CDK8: variants seen among roughly 807,000 people sequenced by gnomAD.
CDK8 encodes the protein cyclin dependent kinase 8, also known as cyclin-dependent kinase 8.
Under a neutral mutation model 71.5 loss-of-function variants are expected in CDK8, and 29 were observed. That is an observed-to-expected ratio of 0.41 (90% confidence interval 0.30 to 0.55). CDK8 has a LOEUF of 0.55. Ranked by LOEUF, CDK8 falls within the 20% of genes least tolerant of loss-of-function variation. The probability of loss-of-function intolerance (pLI) is 0.37; values close to 1 mark genes in which losing one functional copy is unlikely to be tolerated. For missense variants in CDK8, 288 were observed against 572.6 expected (o/e 0.50, Z 5.07); for synonymous variants, 161 against 192.1 (o/e 0.84, Z 1.34).
intron 1 of CDK8, among the ~76,000 whole-genome samples, chr13:26,300,038 C>T (rs547042404): frequency 6.6e-6 from 1 of 152,136 alleles, no homozygotes; most frequent in African/African-American, 2.4e-5. Context: ...AAAATGGGGA[C>T]CTACTACCTT....
intron 4 of CDK8, among the ~76,000 whole-genome samples, chr13:26,359,320 C>T (rs952873911): frequency 6.6e-6 from 1 of 152,024 alleles, no homozygotes; most frequent in South Asian, 2.1e-4. Context: ...GCATTTAATA[C>T]TGAACTGTAC....
chr13:26,339,125 T>C (rs1873115126), intron 2 of CDK8, among the ~76,000 whole-genome samples: 1 of 152,148 alleles, frequency 6.6e-6, no homozygotes, highest in Admixed American at 6.5e-5. Context: ...CAGAAATGTT[T>C]AATTTTTATG....
chr13:26,318,895 C>T (rs868798704), intron 1 of CDK8, among the ~76,000 whole-genome samples: 3 of 152,214 alleles, frequency 2.0e-5, no homozygotes, highest in Middle Eastern at 3.4e-3. Flanking sequence ...TCCTCTAGTA[C>T]CAGGAACAAG....
intron 4 of CDK8, among the ~76,000 whole-genome samples, chr13:26,358,131 T>TA (rs1049539388): frequency 1.9e-4 from 29 of 150,816 alleles, no homozygotes; most frequent in Admixed American, 7.9e-4. Flanking sequence ...CTATCTCTAC[T>TA]AAAAAAAATA....
At chr13:26,329,490 T>TTTG (rs1565974714) in intron 1 of CDK8, among the ~76,000 whole-genome samples, 3 of 150,692 alleles carry the variant, frequency 2.0e-5, no homozygotes, top group South Asian at 2.1e-4. Context: ...TTTGTTTTTT[T>TTTG]TTTGTTTGTT....
chr13:26,313,505 C>G (rs767400368), intron 1 of CDK8, among the ~76,000 whole-genome samples: 21 of 152,116 alleles, frequency 1.4e-4, no homozygotes, highest in Non-Finnish European at 1.3e-4. Flanking sequence ...CTTTGAGGTG[C>G]AGGTGGGACA....
At chr13:26,280,208 A>G (rs560244054) in intron 1 of CDK8, among the ~76,000 whole-genome samples, 114 of 152,352 alleles carry the variant, frequency 7.5e-4, no homozygotes, top group East Asian at 1.9e-4. Flanking sequence ...CTTAGGGGCT[A>G]TTTTATAAAT....
At chr13:26,276,464 A>T (rs1872566462) in intron 1 of CDK8, among the ~76,000 whole-genome samples, 2 of 152,212 alleles carry the variant, frequency 1.3e-5, no homozygotes, top group Non-Finnish European at 2.9e-5. Context: ...TGTCAAATGA[A>T]TTCATCCCAC....
intron 4 of CDK8, among the ~76,000 whole-genome samples, chr13:26,363,519 C>CT (rs1051018187): frequency 1.3e-5 from 2 of 150,804 alleles, no homozygotes; most frequent in Non-Finnish European, 3.0e-5. Flanking sequence ...AAAAAATAAG[C>CT]TTTTTTTTGT....
chr13:26,266,591 G>A (rs920477173), intron 1 of CDK8, among the ~76,000 whole-genome samples: 3 of 152,088 alleles, frequency 2.0e-5, no homozygotes, highest in Non-Finnish European at 4.4e-5. Context: ...AGAGGGCAAG[G>A]GAGATAAAGA....
chr13:26,359,776 C>T, intron 4 of CDK8: 1 of 405,148 alleles, frequency 2.5e-6, no homozygotes, highest in East Asian at 8.8e-5. Flanking sequence ...AGTGCAATGG[C>T]ATGATCACAG....
At chr13:26,300,624 T>C (rs1873780503) in intron 1 of CDK8, among the ~76,000 whole-genome samples, 2 of 152,204 alleles carry the variant, frequency 1.3e-5, no homozygotes, top group Non-Finnish European at 2.9e-5. Flanking sequence ...TGGAACTTAC[T>C]TATTTTTCAG....
chr13:26,322,771 T>G (rs1416683427), intron 1 of CDK8, among the ~76,000 whole-genome samples: 1 of 152,196 alleles, frequency 6.6e-6, no homozygotes, highest in Non-Finnish European at 1.5e-5. Context: ...CCTTCCAATG[T>G]GTACTGCTTG....
intron 1 of CDK8, among the ~76,000 whole-genome samples, chr13:26,291,291 A>T (rs1052737539): frequency 1.3e-5 from 2 of 152,142 alleles, no homozygotes; most frequent in African/African-American, 4.8e-5. Context: ...ACACTCTGTG[A>T]TGTTTGCACA....
At chr13:26,289,676 G>A (rs754717185) in intron 1 of CDK8, among the ~76,000 whole-genome samples, 31 of 151,612 alleles carry the variant, frequency 2.0e-4, no homozygotes, top group Non-Finnish European at 3.5e-4. Flanking sequence ...TCAGCCTCCC[G>A]AGTAGCTGGG....
chr13:26,390,142 C>A (rs148784181), intron 6 of CDK8, among the ~76,000 whole-genome samples: 1 of 152,214 alleles, frequency 6.6e-6, no homozygotes, highest in Non-Finnish European at 1.5e-5. Flanking sequence ...ATTTCTCACA[C>A]CACCATTAAA....
intron 1 of CDK8, among the ~76,000 whole-genome samples, chr13:26,274,096 A>G (rs1872457864): frequency 6.6e-6 from 1 of 152,164 alleles, no homozygotes; most frequent in Admixed American, 6.5e-5. Context: ...ATCTTTGTAG[A>G]CACTCATGAT....
chr13:26,295,154 G>T (rs1565961310), intron 1 of CDK8, among the ~76,000 whole-genome samples: 1 of 152,172 alleles, frequency 6.6e-6, no homozygotes, highest in Non-Finnish European at 1.5e-5. Context: ...TCTAGGAAAT[G>T]TATTAATACT....
chr13:26,368,420 TA>T (rs1223086663), intron 4 of CDK8, among the ~76,000 whole-genome samples: 1 of 152,206 alleles, frequency 6.6e-6, no homozygotes, highest in Non-Finnish European at 1.5e-5. Flanking sequence ...AAATCTTTCC[TA>T]AACACATTGT....
Sources: gnomAD v4.1 joint callset for allele counts (sites outside exome capture counted in the v4.1 genomes callset) on GRCh38, gnomAD v4.1.1 for gene constraint, MANE v1.5 for transcripts, NCBI Gene and HGNC (gene_info 2026-07-23, HGNC 2026-07-21) for gene names.